TENM3: variants seen among roughly 807,000 people sequenced by gnomAD.
The protein encoded by TENM3 is teneurin-3.
Under a neutral mutation model 255.1 loss-of-function variants are expected in TENM3, and 63 were observed. The ratio of observed to expected loss-of-function variants is 0.25; its 90% confidence interval spans 0.20 to 0.30. The LOEUF (loss-of-function observed/expected upper bound fraction) is 0.30. Among genes scored for constraint, TENM3 ranks in the 10% least tolerant of loss-of-function variants. The probability of loss-of-function intolerance (pLI) is 1.00; values close to 1 mark genes in which losing one functional copy is unlikely to be tolerated. For synonymous variants in TENM3, 1,306 were observed against 1,322.3 expected (o/e 0.99, Z 0.27); for missense variants, 2,929 against 3,461.1 (o/e 0.85, Z 3.86).
At chr4:182,719,252 C>CTTTTTTTTTTTTTTTTTTTTTT (rs11348241) in intron 13 of TENM3, among the ~76,000 whole-genome samples, 3 of 80,822 alleles carry the variant, frequency 3.7e-5, no homozygotes, top group African/African-American at 1.1e-4. Context: ...TTTTTTTTTT[C>CTTTTTTTTTTTTTTTTTTTTTT]TTTTTTTTTT....
chr4:182,352,217 C>A (rs2150711208), intron 3 of TENM3, among the ~76,000 whole-genome samples: 1 of 151,998 alleles, frequency 6.6e-6, no homozygotes, highest in East Asian at 1.9e-4. Flanking sequence ...TTTGTGCAGT[C>A]TGGAATTTCT....
the TENM3 span, among the ~76,000 whole-genome samples, chr4:181,579,641 C>T: frequency 6.6e-6 from 1 of 152,134 alleles, no homozygotes; most frequent in African/African-American, 2.4e-5. Flanking sequence ...ATCTCCAAAT[C>T]GTCACAGTAA....
rs137921431 is a variant in TENM3 at position 182,633,948 on chromosome 4, C to T, written c.988+5059C>T. ...GAGGTCCAGAGTTGTGCTTTCCAAG[C>T]ATTCCTGTGCCTAGGAATCGCCTGG... On this transcript the variant is annotated intron_variant, in intron 5 of 27. Coordinates refer to ENST00000511685, the MANE Select transcript of TENM3 (RefSeq NM_001080477.4). Among the ~76,000 whole-genome samples the T allele has an allele frequency of 5.3e-3, 805 of 152,286 alleles. 7 individuals carry two copies. Among genetic ancestry groups the T allele is most frequent in the African/African-American group, 0.018 (768 of 41,566 alleles).
At chr4:182,712,882 C>G (rs1758859260) in intron 12 of TENM3, among the ~76,000 whole-genome samples, 2 of 152,258 alleles carry the variant, frequency 1.3e-5, no homozygotes, top group South Asian at 4.2e-4. Flanking sequence ...GCTCTGTCCA[C>G]AGAAATCTGA....
At chr4:182,050,002 T>A in the TENM3 span, among the ~76,000 whole-genome samples, 5 of 29,986 alleles carry the variant, frequency 1.7e-4, no homozygotes, top group African/African-American at 9.3e-5. Context: ...TAAAAAAAAA[T>A]TTTTTTTTGA....
intron 1 of TENM3, among the ~76,000 whole-genome samples, chr4:182,290,958 T>C (rs1337206170): frequency 1.3e-5 from 2 of 151,978 alleles, no homozygotes; most frequent in Non-Finnish European, 2.9e-5. Context: ...GTAGCTGGGA[T>C]TACAGGCACG....
chr4:181,503,083 G>A, the TENM3 span, among the ~76,000 whole-genome samples: 2 of 152,140 alleles, frequency 1.3e-5, no homozygotes, highest in South Asian at 4.1e-4. Flanking sequence ...TCATTCAGCT[G>A]GACATGCAGT....
the TENM3 span, among the ~76,000 whole-genome samples, chr4:181,797,480 T>C: frequency 6.6e-6 from 1 of 152,192 alleles, no homozygotes; most frequent in Non-Finnish European, 1.5e-5. Context: ...TCTATCGGTA[T>C]AACGAATTCA....
chr4:181,767,576 C>CT, the TENM3 span, among the ~76,000 whole-genome samples: 1 of 151,994 alleles, frequency 6.6e-6, no homozygotes, highest in Non-Finnish European at 1.5e-5. Context: ...AATGTGGAGG[C>CT]TTCAGAATCA....
chr4:181,906,393 G>T, the TENM3 span: 4 of 209,154 alleles, frequency 1.9e-5, no homozygotes, highest in Admixed American at 8.5e-5. Flanking sequence ...CAACAAACTG[G>T]GGACTAGATA....
the TENM3 span, among the ~76,000 whole-genome samples, chr4:181,811,916 C>T: frequency 1.3e-5 from 2 of 152,200 alleles, no homozygotes; most frequent in African/African-American, 4.8e-5. Flanking sequence ...CTGTGAATTA[C>T]TTGTACATTC....
chr4:182,085,120 T>C, the TENM3 span: 4 of 152,218 alleles, frequency 2.6e-5, no homozygotes, highest in African/African-American at 2.4e-5. Context: ...ATGTTGGCTC[T>C]GTGAAACCGC....
At chr4:181,954,915 T>G in the TENM3 span, among the ~76,000 whole-genome samples, 1 of 152,194 alleles carries the variant, frequency 6.6e-6, no homozygotes, top group African/African-American at 2.4e-5. Context: ...ATACATTCGT[T>G]CATATATATA....
chr4:181,854,346 G>C, the TENM3 span, among the ~76,000 whole-genome samples: 1 of 152,264 alleles, frequency 6.6e-6, no homozygotes, highest in South Asian at 2.1e-4. Flanking sequence ...ATGATTCCAT[G>C]GCCTCAAGCA....
At chr4:182,275,256 G>C (rs1759924407) in intron 1 of TENM3, among the ~76,000 whole-genome samples, 1 of 152,318 alleles carries the variant, frequency 6.6e-6, no homozygotes, top group East Asian at 1.9e-4. Context: ...CATCATCCCT[G>C]TTTAGCAGGA....
In TENM3 at chr4:182,146,442, TAGG is replaced by T. The variant is rs1191418328; in HGVS notation, c.-76+1691_-76+1693del. On this transcript the variant is annotated intron_variant, in intron 1 of 2. Transcript: ENST00000512480. ...AAATTATTCCTAAATTCTTCAAAGA[TAGG>T]AGTTTATAATGAGTTTAGTTATTCT... Among the ~76,000 whole-genome samples the T allele has an allele frequency of 2.0e-5, 3 of 152,260 alleles. No individual in the cohort carries two copies. In the East Asian group the frequency reaches 5.8e-4, roughly 29 times the overall value.
chr4:182,241,826 T>A (rs1205823255), upstream of TENM3, among the ~76,000 whole-genome samples: 8 of 151,994 alleles, frequency 5.3e-5, no homozygotes, highest in Non-Finnish European at 1.2e-4. Context: ...CCTTTCTTTT[T>A]CCAGACAGGT....
chr4:182,280,025 A>G (rs939435094), intron 1 of TENM3, among the ~76,000 whole-genome samples: 2 of 152,288 alleles, frequency 1.3e-5, no homozygotes, highest in Non-Finnish European at 2.9e-5. Flanking sequence ...TAATGGAGCC[A>G]TGGGTAGAAT....
intron 24 of TENM3, among the ~76,000 whole-genome samples, chr4:182,779,039 C>CTTTTT (rs58176239): frequency 1.0e-5 from 1 of 98,088 alleles, no homozygotes. Context: ...ACAATGTGTT[C>CTTTTT]TTTTTTTTTT....
Sources: allele counts gnomAD v4.1 joint callset (sites outside exome capture counted in the v4.1 genomes callset), GRCh38; gene constraint gnomAD v4.1.1; transcripts MANE v1.5; gene names NCBI Gene and HGNC (gene_info 2026-07-23, HGNC 2026-07-21).